The following MPP4 variants were observed in gnomAD, a reference collection of about 807,000 sequenced individuals.
MPP4 encodes MAGUK p55 scaffold protein 4.
MPP4 carries 91 observed loss-of-function variants against 98.3 expected under a neutral mutation model. The observed-to-expected ratio is 0.93, with a 90% CI of 0.78 to 1.10. MPP4 has a LOEUF of 1.10. MPP4 is among the 50% of genes least tolerant of loss of function. MPP4 has a pLI of 0.00. For missense variants in MPP4, 744 were observed against 792.9 expected, an observed-to-expected ratio of 0.94 and a Z score of 0.74; for synonymous variants, 261 against 271.8, an observed-to-expected ratio of 0.96 and a Z score of 0.39.
At chr2:201,660,474 C>T (rs908050926) in intron 14 of MPP4, 128 bp from the exon 15 acceptor site, 7 of 985,786 alleles carry the variant, frequency 7.1e-6, no homozygotes, top group African/African-American at 4.8e-5. Flanking sequence ...AAAGGTAACT[C>T]GGGTAAGGCC....
intron 20 of MPP4, among the ~76,000 whole-genome samples, chr2:201,648,160 T>C (rs1687617913): frequency 6.6e-6 from 1 of 152,208 alleles, no homozygotes; most frequent in Admixed American, 6.5e-5. Context: ...GTAGCTGGGA[T>C]TATAGGCGTG....
intron 19 of MPP4, 30 bp downstream of exon 19, chr2:201,650,042 T>G: frequency 6.6e-7 from 1 of 1,514,970 alleles, no homozygotes; most frequent in Non-Finnish European, 8.9e-7. Context: ...CAACAAGAGG[T>G]AAGAATCAGC....
chr2:201,648,157 G>T (rs1195456473), intron 20 of MPP4, among the ~76,000 whole-genome samples: 1 of 152,182 alleles, frequency 6.6e-6, no homozygotes, highest in Non-Finnish European at 1.5e-5. Context: ...CTAGTAGCTG[G>T]GATTATAGGC....
intron 11 of MPP4, among the ~76,000 whole-genome samples, chr2:201,674,324 T>G (rs1228848252): frequency 1.3e-5 from 2 of 152,156 alleles, no homozygotes; most frequent in African/African-American, 4.8e-5. Context: ...ACATATGCAT[T>G]TTCATAAACT....
At chr2:201,650,833 C>G in intron 18 of MPP4, 1 of 985,382 alleles carries the variant, frequency 1.0e-6, no homozygotes, top group Admixed American at 6.1e-5. Flanking sequence ...GAAAGATTAG[C>G]TGAGTCTAGA....
intron 1 of MPP4, among the ~76,000 whole-genome samples, chr2:201,697,734 C>T (rs1049594495): frequency 6.6e-6 from 1 of 152,186 alleles, no homozygotes; most frequent in African/African-American, 2.4e-5. Context: ...ACCTCTTTCC[C>T]TATCAAACTT....
chr2:201,654,884 C>G lies in MPP4; in HGVS notation c.1334G>C (p.Arg445Thr). The G allele has an allele frequency of 6.2e-7, 1 of 1,605,640 alleles. No individual in the cohort carries two copies. The highest frequency in any genetic ancestry group is 8.5e-7 in the Non-Finnish European group (1 of 1,176,104). Residue 445 changes from arginine to threonine, a missense_variant, in exon 18 of 22, where the codon AGA becomes ACA. Arg to Thr is a moderately conservative substitution (Grantham distance 71). Coordinates refer to ENST00000409474, the MANE Select transcript of MPP4 (RefSeq NM_033066.3). ...GCTGGGATTAAATTCAATAAGTTGT[C>G]TTCTGAGCTCATTTACTCCAACACC... ...PSGVGVNELR[R>T]QLIEFNPSHF... is the part of the protein sequence containing the mutation.
At chr2:201,645,427 T>C (rs369373098) in intron 21 of MPP4, 23 bp from the exon 22 acceptor site, 3 of 1,599,176 alleles carry the variant, frequency 1.9e-6, no homozygotes, top group Non-Finnish European at 2.6e-6. Flanking sequence ...TAGAAAAATA[T>C]GGATAGTACA....
intron 5 of MPP4, 125 bp from the exon 6 acceptor site, chr2:201,686,175 A>C: frequency 8.7e-7 from 1 of 1,151,090 alleles, no homozygotes; most frequent in Non-Finnish European, 1.2e-6. Flanking sequence ...CATGCCAGAC[A>C]CAGTGCGAAG....
intron 14 of MPP4, among the ~76,000 whole-genome samples, chr2:201,661,132 G>T (rs1176026572): frequency 6.6e-6 from 1 of 151,418 alleles, no homozygotes; most frequent in Non-Finnish European, 1.5e-5. Flanking sequence ...TGTTGGCCAG[G>T]CTGGTCTCGA....
chr2:201,657,590 G>GTTTTTTTTTTTTTTTTTTTTTTTTTTTTT lies in MPP4; in HGVS notation c.1129+886_1129+887insAAAAAAAAAAAAAAAAAAAAAAAAAAAAA, dbSNP rs929926346. On this transcript the variant is annotated intron_variant, in intron 16 of 21. Transcript: ENST00000409474. ...TCTAACAGTGAGAACCCTGGCCCTT[G>GTTTTTTTTTTTTTTTTTTTTTTTTTTTTT]TTTTTTTTTTGTTTTTTTGTTTTTT... Among the ~76,000 whole-genome samples the GTTTTTTTTTTTTTTTTTTTTTTTTTTTTT allele has an allele frequency of 3.0e-4, 27 of 91,124 alleles. 2 individuals are homozygous for GTTTTTTTTTTTTTTTTTTTTTTTTTTTTT. Among genetic ancestry groups the GTTTTTTTTTTTTTTTTTTTTTTTTTTTTT allele is most frequent in the African/African-American group, 4.7e-4 (11 of 23,234 alleles). 59.8% of individuals were successfully genotyped at this position (91,124 alleles called of 152,430 possible). A position where few individuals can be genotyped will look rare whatever the true frequency, so the allele number is the denominator to read the frequency against.
At chr2:201,659,130 AGG>A (rs1447649445) in intron 15 of MPP4, among the ~76,000 whole-genome samples, 54 of 152,288 alleles carry the variant, frequency 3.5e-4, no homozygotes, top group African/African-American at 1.2e-3. Context: ...TCCTGACCTC[AGG>A]TGATCCACCC....
chr2:201,697,339 C>T (rs1689218427), intron 1 of MPP4, among the ~76,000 whole-genome samples: 3 of 152,230 alleles, frequency 2.0e-5, no homozygotes, highest in African/African-American at 7.2e-5. Context: ...TTCCCTCCCT[C>T]CAGGTAGCTA....
intron 21 of MPP4, among the ~76,000 whole-genome samples, chr2:201,646,059 T>A (rs984084326): frequency 6.6e-6 from 1 of 152,214 alleles, no homozygotes; most frequent in African/African-American, 2.4e-5. Context: ...ACAAAACTTA[T>A]GTTTTAATCT....
rs11399802 is a variant in MPP4 at position 201,645,014 on chromosome 2, G to GA, written c.*195dup. 187,131 of 396,714 alleles carry GA rather than the reference G, an allele frequency of 0.47. 44,501 individuals are homozygous for GA. Among genetic ancestry groups the GA allele is most frequent in the Admixed American group, 0.51 (11,488 of 22,640 alleles). The allele number at this position is 396,714 out of a possible 1,614,324, so 24.6% of individuals were successfully genotyped here. A position where few individuals can be genotyped will look rare whatever the true frequency, so the allele number is the denominator to read the frequency against. On this transcript the variant is annotated 3_prime_UTR_variant, in exon 22 of 22. Coordinates refer to ENST00000409474, the MANE Select transcript of MPP4 (RefSeq NM_033066.3). Reference sequence around the variant, plus strand: ...TACCACAGCTGCATATGAGGTAAAGGAAAAAAAATTAAGTTAAAATAGGTA... The same window carrying GA: ...TACCACAGCTGCATATGAGGTAAAGGAAAAAAAAATTAAGTTAAAATAGGTA...
chr2:201,693,173 C>A, intron 2 of MPP4, 144 bp from the exon 3 acceptor site: 2 of 914,938 alleles, frequency 2.2e-6, no homozygotes, highest in Non-Finnish European at 3.2e-6. Context: ...ACTTCAAGCC[C>A]TGTTCCACCT....
chr2:201,660,167 G>C (rs988085862), intron 15 of MPP4, among the ~76,000 whole-genome samples, 165 bp downstream of exon 15: 4 of 152,176 alleles, frequency 2.6e-5, no homozygotes, highest in African/African-American at 4.8e-5. Flanking sequence ...TAGTTTGGAA[G>C]TGTGTTTCCT....
chr2:201,651,746 G>A (rs532471084), intron 18 of MPP4: 1 of 649,088 alleles, frequency 1.5e-6, no homozygotes, highest in African/African-American at 2.0e-5. Context: ...CTGGGGTCAG[G>A]AGTACAAGAC....
intron 3 of MPP4, among the ~76,000 whole-genome samples, chr2:201,690,631 G>A (rs776588732): frequency 3.9e-5 from 6 of 152,138 alleles, no homozygotes; most frequent in Non-Finnish European, 5.9e-5. Context: ...ATAAAGGAGC[G>A]TCTTAAAGGA....
Sources: allele counts gnomAD v4.1 joint callset (sites outside exome capture counted in the v4.1 genomes callset), GRCh38; gene constraint gnomAD v4.1.1; transcripts MANE v1.5; gene names NCBI Gene and HGNC (gene_info 2026-07-23, HGNC 2026-07-21).